Variants in HADHB observed in about 807,000 individuals in gnomAD.
The protein encoded by HADHB is hydroxyacyl-CoA dehydrogenase trifunctional multienzyme complex subunit beta.
HADHB carries 50 observed loss-of-function variants against 61.9 expected under a neutral mutation model. That is an observed-to-expected ratio of 0.81 (90% CI 0.64 to 1.02). HADHB has a LOEUF of 1.02. HADHB is among the 50% of genes least tolerant of loss of function. HADHB has a pLI of 0.00. For synonymous variants in HADHB, 191 were observed against 201.6 expected, an observed-to-expected ratio of 0.95 and a Z score of 0.45; for missense variants, 504 against 586.5, an observed-to-expected ratio of 0.86 and a Z score of 1.45.
chr2:26,250,601 A>T (rs963847391), intron 1 of HADHB, among the ~76,000 whole-genome samples: 1 of 150,896 alleles, frequency 6.6e-6, no homozygotes, highest in Non-Finnish European at 1.5e-5. Context: ...TGGGAGGCCG[A>T]GGTAGGAGGA....
At chr2:26,267,871 G>C (rs760313453) in intron 4 of HADHB, among the ~76,000 whole-genome samples, 4 of 151,710 alleles carry the variant, frequency 2.6e-5, no homozygotes, top group Non-Finnish European at 4.4e-5. Context: ...TGTGTACAGT[G>C]GTTCACACAT....
rs1671369465 is a variant in HADHB, at chr2:26,250,818, C to G, written c.-8-3429C>G. Among the ~76,000 whole-genome samples the G allele has an allele frequency of 2.0e-5, 3 of 151,696 alleles. No homozygotes were observed. In the South Asian group the frequency reaches 6.2e-4, roughly 32 times the overall value. Reference sequence around the variant, plus strand: ...CTTGGGCAACAGAGCGAGACCCTGTCTCTAAAAAATACATACACGTGTGTG... The same window carrying G: ...CTTGGGCAACAGAGCGAGACCCTGTGTCTAAAAAATACATACACGTGTGTG... On this transcript the variant is annotated intron_variant, in intron 1 of 15. Coordinates refer to ENST00000317799, the MANE Select transcript of HADHB (RefSeq NM_000183.3).
In HADHB at chr2:26,254,434, A is replaced by G. The variant is rs764494047; in HGVS notation, c.69A>G (p.Ile23Met). The G allele has an allele frequency of 6.2e-7, 1 of 1,603,918 alleles. No homozygotes were observed. The highest frequency in any genetic ancestry group is 8.5e-7 in the Non-Finnish European group (1 of 1,170,622). ...ACAGTTTATTTTGTCTTCCAGCCAT[A>G]AGACCTCTGAGCTGTTCCTCCCAGC... ...TASKWALRFS[I>M]RPLSCSSQLR... Residue 23 changes from isoleucine to methionine, a missense_variant, in exon 3 of 16, where the codon ATA becomes ATG. Transcript: ENST00000317799.
chr2:26,278,130 C>T (rs532317774), intron 7 of HADHB, among the ~76,000 whole-genome samples: 4 of 152,314 alleles, frequency 2.6e-5, no homozygotes, highest in South Asian at 2.1e-4. Flanking sequence ...TGACTGGGGG[C>T]GTTCGCCACT....
chr2:26,266,218 A>G (rs1672070418), intron 4 of HADHB, among the ~76,000 whole-genome samples: 1 of 151,890 alleles, frequency 6.6e-6, no homozygotes, highest in Non-Finnish European at 1.5e-5. Flanking sequence ...GTGGGCTATG[A>G]ACGTATATGA....
intron 10 of HADHB, 40 bp from the exon 11 acceptor site, chr2:26,282,805 A>G (rs1235045070): frequency 2.8e-6 from 4 of 1,435,418 alleles, no homozygotes; most frequent in Non-Finnish European, 3.9e-6. Context: ...ACCTCCAGAC[A>G]GGCTGAAGAA....
chr2:26,250,859 T>G (rs1312466997), intron 1 of HADHB, among the ~76,000 whole-genome samples: 1 of 151,446 alleles, frequency 6.6e-6, no homozygotes, highest in Non-Finnish European at 1.5e-5. Flanking sequence ...ATATATTATA[T>G]TCTCCGATGT....
rs189804988 is a variant in HADHB at position 26,274,915 on chromosome 2, C to T, written c.354+1165C>T. Reference sequence around the variant, plus strand: ...AAATAAAAATAAATGTTTCCATTTTCTCTGTAATTCAGTTCTTTTTTTCCT... The same window carrying T: ...AAATAAAAATAAATGTTTCCATTTTTTCTGTAATTCAGTTCTTTTTTTCCT... On this transcript the variant is annotated intron_variant, in intron 6 of 15. Transcript: ENST00000317799. Among the ~76,000 whole-genome samples, 9 of 152,224 alleles carry T rather than the reference C, an allele frequency of 5.9e-5. No individual in the cohort carries two copies. In the East Asian group the frequency reaches 1.5e-3, roughly 26 times the overall value.
chr2:26,249,595 C>T (rs1412153699), intron 1 of HADHB, among the ~76,000 whole-genome samples: 2 of 151,900 alleles, frequency 1.3e-5, no homozygotes, highest in South Asian at 2.1e-4. Context: ...AGATGGGATT[C>T]GGCCAGGACT....
At chr2:26,289,835 T>C (rs1673191993) in intron 15 of HADHB, 83 bp from the exon 16 acceptor site, 6 of 954,862 alleles carry the variant, frequency 6.3e-6, no homozygotes, top group Non-Finnish European at 1.0e-5. Flanking sequence ...AAGCCTGTAC[T>C]TTTCTCCTTG....
In HADHB at chr2:26,263,409, G is replaced by T; in HGVS notation, c.139G>T (p.Ala47Ser). ...AVQTKTKKTL[A>S]KPNIRNVVVV... ...CCAGACCAAAACGAAGAAGACGTTA[G>T]CCAAACCCAATATAAGGAATGTTGT... is the stretch of plus-strand genomic sequence containing the variant. The change falls in exon 4 of 16, where the codon GCC becomes TCC. Residue 47 changes from alanine (A) to serine (S), a missense_variant. By Grantham distance (99) the Ala-to-Ser change is moderately conservative. Transcript: ENST00000317799. 1 of 1,613,174 alleles carries T rather than the reference G, an allele frequency of 6.2e-7. No homozygotes were observed. Among genetic ancestry groups the T allele is most frequent in the Non-Finnish European group, 8.5e-7 (1 of 1,179,230 alleles).
In HADHB at chr2:26,290,013, T is replaced by A; in HGVS notation, c.*60T>A. 9.6e-7 allele frequency: 1 copy of A among 1,044,398 alleles called. No homozygotes were observed. The highest frequency in any genetic ancestry group is 1.5e-6 in the Non-Finnish European group (1 of 660,330). The allele number at this position is 1,044,398 out of a possible 1,614,324, so 64.7% of individuals were successfully genotyped here. ...AACACTCACACTAGGCAATGCCATT[T>A]CAATGCATTACTAAATGACATTTGT... On this transcript the variant is annotated 3_prime_UTR_variant, in exon 16 of 16. Coordinates refer to ENST00000317799, the MANE Select transcript of HADHB (RefSeq NM_000183.3).
At chr2:26,273,499 G>A (rs1672428230) in intron 5 of HADHB, 152 bp from the exon 6 acceptor site, 1 of 655,590 alleles carries the variant, frequency 1.5e-6, no homozygotes, top group Non-Finnish European at 2.8e-6. Context: ...TTGAGAAGGT[G>A]CCAAATGCTT....
chr2:26,256,572 A>G (rs985444206), intron 3 of HADHB, among the ~76,000 whole-genome samples: 5 of 152,126 alleles, frequency 3.3e-5, no homozygotes, highest in African/African-American at 4.8e-5. Context: ...TAATAGTTGT[A>G]TAATACATGA....
chr2:26,262,398 T>C (rs1671901163), intron 3 of HADHB, among the ~76,000 whole-genome samples: 1 of 152,186 alleles, frequency 6.6e-6, no homozygotes, highest in African/African-American at 2.4e-5. Context: ...GTAAGTGCAC[T>C]AAAAGAAACG....
chr2:26,277,218 G>A (rs1574661397), intron 7 of HADHB, 58 bp downstream of exon 7: 2 of 658,806 alleles, frequency 3.0e-6, no homozygotes, highest in Non-Finnish European at 5.3e-6. Context: ...TCTTTTACTT[G>A]ATTATAAAAA....
intron 4 of HADHB, among the ~76,000 whole-genome samples, chr2:26,269,285 C>G (rs1672235082): frequency 6.6e-6 from 1 of 152,120 alleles, no homozygotes; most frequent in Non-Finnish European, 1.5e-5. Flanking sequence ...GCCTCAAATT[C>G]ATGGCCTTAA....
At chr2:26,285,289 TA>T in intron 14 of HADHB, 117 bp from the exon 15 acceptor site, 1 of 830,078 alleles carries the variant, frequency 1.2e-6, no homozygotes, top group Non-Finnish European at 2.0e-6. Context: ...AAATTATTTG[TA>T]ATATGTCTGA....
chr2:26,273,088 A>C (rs75861971), intron 5 of HADHB, among the ~76,000 whole-genome samples: 1 of 140,696 alleles, frequency 7.1e-6, no homozygotes, highest in Non-Finnish European at 1.6e-5. Flanking sequence ...TTCTTATCTC[A>C]AAAAAAAAAA....
Sources: allele counts gnomAD v4.1 joint callset (sites outside exome capture counted in the v4.1 genomes callset), GRCh38; gene constraint gnomAD v4.1.1; transcripts MANE v1.5; gene names NCBI Gene and HGNC (gene_info 2026-07-23, HGNC 2026-07-21).